The following DENND4C variants were observed in gnomAD, a reference collection of about 807,000 sequenced individuals.
The protein encoded by DENND4C is DENN domain containing 4C, also known as DENN domain-containing protein 4C.
Under a neutral mutation model 203.0 loss-of-function variants are expected in DENND4C, and 108 were observed. That is an observed-to-expected ratio of 0.53 (90% CI 0.46 to 0.62). DENND4C has a LOEUF of 0.62. DENND4C is among the 20% of genes least tolerant of loss of function. The pLI is 0.00. For missense variants in DENND4C, 2,481 were observed against 2,301.2 expected (o/e 1.08, Z -1.60); for synonymous variants, 871 against 792.4 (o/e 1.10, Z -1.67).
chr9:19,299,581 G>A (rs1838136323), intron 8 of DENND4C, among the ~76,000 whole-genome samples: 1 of 152,050 alleles, frequency 6.6e-6, no homozygotes, highest in South Asian at 2.1e-4. Context: ...AAGGTTTAAG[G>A]TGAGCTGATT....
chr9:19,362,216 A>G (rs943445092), intron 30 of DENND4C, among the ~76,000 whole-genome samples: 2 of 152,130 alleles, frequency 1.3e-5, no homozygotes, highest in East Asian at 1.9e-4. Flanking sequence ...AAAGGTTGCA[A>G]TGAGCTGAGA....
rs1828988758 is a variant in DENND4C, at chr9:19,372,331, C to T, written c.*158C>T. 1 of 864,236 alleles carries T rather than the reference C, an allele frequency of 1.2e-6. No homozygotes were observed. The highest frequency in any genetic ancestry group is 2.3e-5 in the South Asian group (1 of 43,586). 53.5% of individuals were successfully genotyped at this position (864,236 alleles called of 1,614,324 possible). ...ATGAATTATGATTCATATTGCATTA[C>T]CTTGAAATATGAAGTGCCATTTGAA... is the stretch of plus-strand genomic sequence containing the variant. On this transcript the variant is annotated 3_prime_UTR_variant, in exon 33 of 33. Coordinates refer to ENST00000434457, the MANE Select transcript of DENND4C (RefSeq NM_001330640.2).
chr9:19,294,576 C>G (rs971739025), intron 5 of DENND4C, among the ~76,000 whole-genome samples: 1 of 152,152 alleles, frequency 6.6e-6, no homozygotes, highest in African/African-American at 2.4e-5. Flanking sequence ...CAAACAGATA[C>G]TTGTACGCCA....
In DENND4C at chr9:19,336,353, G is replaced by A. The variant is rs1464201864; in HGVS notation, c.2673G>A (p.Leu891=). ...AGGTACGGAATGTGGTACGTGGCTT[G>A]GCACAGTTTAGGCAGCCGCTTAAAA... The part of the protein sequence containing the change: ...WTKVRNVVRG[L]AQFRQPLKKT... Residue 891 remains leucine, a synonymous_variant, in exon 19 of 33, where the codon TTG becomes TTA. Coordinates refer to ENST00000434457, the MANE Select transcript of DENND4C (RefSeq NM_001330640.2). 3 of 1,613,860 alleles carry A rather than the reference G, an allele frequency of 1.9e-6. No individual in the cohort carries two copies. In the South Asian group the frequency reaches 3.3e-5, roughly 18 times the overall value.
intron 1 of DENND4C, among the ~76,000 whole-genome samples, chr9:19,266,348 C>T (rs1468124471): frequency 6.6e-6 from 1 of 151,954 alleles, no homozygotes; most frequent in Non-Finnish European, 1.5e-5. Flanking sequence ...TTTGTAGATT[C>T]TGGATATTAG....
chr9:19,356,593 G>C (rs1825459119), intron 26 of DENND4C, among the ~76,000 whole-genome samples: 1 of 151,918 alleles, frequency 6.6e-6, no homozygotes, highest in South Asian at 2.1e-4. Context: ...TTAAAGTGCT[G>C]CTACTGCAGC....
intron 21 of DENND4C, 152 bp downstream of exon 21, chr9:19,341,266 TGGTA>T: frequency 1.8e-6 from 1 of 554,330 alleles, no homozygotes; most frequent in South Asian, 3.8e-5. Context: ...AGGTAGATTT[TGGTA>T]GTCTCTGAAG....
chr9:19,310,821 G>C (rs941205619), intron 10 of DENND4C, among the ~76,000 whole-genome samples: 2 of 152,048 alleles, frequency 1.3e-5, no homozygotes, highest in Non-Finnish European at 2.9e-5. Context: ...TTGTTCAGCT[G>C]TTGAGATGAG....
rs1435331525 is a variant in DENND4C, at chr9:19,373,909, T to C, written c.*1736T>C. Reference sequence around the variant, plus strand: ...GGTTAATCTGACCTATGCAGAATTCTAGTGTGAATTTATTGTGAAAATGCT... The same window carrying C: ...GGTTAATCTGACCTATGCAGAATTCCAGTGTGAATTTATTGTGAAAATGCT... On this transcript the variant is annotated 3_prime_UTR_variant, in exon 33 of 33. Transcript: ENST00000434457. Among the ~76,000 whole-genome samples the C allele has an allele frequency of 1.3e-5, 2 of 152,188 alleles. No individual in the cohort carries two copies. The highest frequency in any genetic ancestry group is 4.8e-5 in the African/African-American group (2 of 41,444).
chr9:19,245,827 G>A (rs1825096015), intron 1 of DENND4C, among the ~76,000 whole-genome samples: 1 of 130,542 alleles, frequency 7.7e-6, no homozygotes, highest in Non-Finnish European at 1.6e-5. Context: ...TTGCACTCCA[G>A]CCTGGACGAC....
At chr9:19,328,222 T>C (rs1343319929) in intron 16 of DENND4C, 60 bp downstream of exon 16, 2 of 1,459,896 alleles carry the variant, frequency 1.4e-6, no homozygotes, top group Non-Finnish European at 1.9e-6. Context: ...ATATGTGATA[T>C]GCAGCTCATA....
intron 28 of DENND4C, 27 bp from the exon 29 acceptor site, chr9:19,360,216 AT>A: frequency 6.2e-7 from 1 of 1,601,688 alleles, no homozygotes; most frequent in Non-Finnish European, 8.5e-7. Context: ...AACAGATAAT[AT>A]TAATTTCTTT....
At chr9:19,235,272 G>A (rs1854551) in intron 1 of DENND4C, among the ~76,000 whole-genome samples, 124,994 of 152,200 alleles carry the variant, frequency 0.82, 51,739 homozygotes, top group Admixed American at 0.87. Flanking sequence ...GCCGAAAGTC[G>A]ACTTTCTTTG....
intron 16 of DENND4C, among the ~76,000 whole-genome samples, chr9:19,328,653 G>GTCTGTCTA (rs1166538445): frequency 1.2e-5 from 1 of 84,414 alleles, no homozygotes; most frequent in East Asian, 3.6e-4. Context: ...CTGTCTGTCT[G>GTCTGTCTA]TCTGTCTATC....
chr9:19,299,698 C>A (rs909658824), intron 8 of DENND4C, among the ~76,000 whole-genome samples: 3 of 152,160 alleles, frequency 2.0e-5, no homozygotes, highest in African/African-American at 7.2e-5. Flanking sequence ...TTAATTGGTA[C>A]CTTTTTACTT....
At chr9:19,287,885 A>G (rs1054942689) in intron 3 of DENND4C, among the ~76,000 whole-genome samples, 3 of 152,136 alleles carry the variant, frequency 2.0e-5, no homozygotes, top group Non-Finnish European at 4.4e-5. Context: ...GGCGTGCGCC[A>G]CTACGCCCAC....
Position 19,324,434 on chromosome 9 carries a change from G to A in DENND4C, c.1880G>A (p.Arg627His), listed in dbSNP as rs1306788782. ...TLLSKTQIFI[R>H]FIEECSFVSD... ...TTATCCAAAACACAGATTTTTATTCGTTTCATTGAAGAATGCAGTTTTGTA... is the reference window on the plus strand; with the variant it reads ...TTATCCAAAACACAGATTTTTATTCATTTCATTGAAGAATGCAGTTTTGTA... The change falls in exon 13 of 33, where the codon CGT becomes CAT. Residue 627 changes from arginine (R) to histidine (H), a missense_variant. This residue lies in a region of DENND4C where 2,289 missense variants were observed against 2,113.3 expected (regional missense o/e 1.08). Transcript: ENST00000434457. The A allele has an allele frequency of 4.3e-6, 7 of 1,612,414 alleles. No individual in the cohort carries two copies. The highest frequency in any genetic ancestry group is 1.1e-5 in the South Asian group (1 of 90,854).
At chr9:19,300,781 A>C (rs571325753) in intron 9 of DENND4C, among the ~76,000 whole-genome samples, 1 of 152,334 alleles carries the variant, frequency 6.6e-6, no homozygotes, top group South Asian at 2.1e-4. Flanking sequence ...TAATATACAG[A>C]GGCTTAGCTC....
chr9:19,299,336 G>T, intron 8 of DENND4C, 49 bp downstream of exon 8: 1 of 1,289,432 alleles, frequency 7.8e-7, no homozygotes, highest in Non-Finnish European at 1.1e-6. Context: ...GGAGCAGAAT[G>T]CTTTAAAATA....
Sources: gnomAD v4.1 joint callset for allele counts (sites outside exome capture counted in the v4.1 genomes callset) on GRCh38, gnomAD v4.1.1 for gene constraint, gnomAD v4.1.1 regional missense constraint, MANE v1.5 for transcripts, NCBI Gene and HGNC (gene_info 2026-07-23, HGNC 2026-07-21) for gene names.